The following PEAK1 variants were observed in gnomAD, a reference collection of about 807,000 sequenced individuals.
PEAK1 encodes the protein inactive tyrosine-protein kinase PEAK1.
Under a neutral mutation model 124.7 loss-of-function variants are expected in PEAK1, and 54 were observed. The observed-to-expected ratio is 0.43, with a 90% CI of 0.35 to 0.54. PEAK1 has a LOEUF of 0.54. Ranked by LOEUF, PEAK1 falls within the 20% of genes least tolerant of loss-of-function variation. The pLI is 0.01. For synonymous variants in PEAK1, 719 were observed against 760.0 expected (o/e 0.95, Z 0.89); for missense variants, 2,046 against 2,134.5 (o/e 0.96, Z 0.82).
chr15:77,159,961 G>A (rs1210756591), intron 7 of PEAK1, among the ~76,000 whole-genome samples: 2 of 152,194 alleles, frequency 1.3e-5, no homozygotes, highest in African/African-American at 4.8e-5. Context: ...CTGGGAATAA[G>A]CAATGAGCTG....
At chr15:77,230,439 TC>T (rs2059861748) in intron 6 of PEAK1, among the ~76,000 whole-genome samples, 1 of 152,068 alleles carries the variant, frequency 6.6e-6, no homozygotes, top group African/African-American at 2.4e-5. Flanking sequence ...ACTCAAGTGA[TC>T]CACCCGCCTT....
chr15:77,126,089 A>G (rs1197728467), intron 9 of PEAK1, among the ~76,000 whole-genome samples: 1 of 152,236 alleles, frequency 6.6e-6, no homozygotes, highest in African/African-American at 2.4e-5. Flanking sequence ...TTTAATTGAA[A>G]AGACATTAGG....
At chr15:77,121,829 G>C (rs747078224) in intron 9 of PEAK1, among the ~76,000 whole-genome samples, 7 of 152,082 alleles carry the variant, frequency 4.6e-5, no homozygotes, top group Admixed American at 1.3e-4. Flanking sequence ...GATGCTATAG[G>C]GAATGAATTG....
intron 2 of PEAK1, among the ~76,000 whole-genome samples, chr15:77,339,759 C>T (rs2066421532): frequency 1.3e-5 from 2 of 152,258 alleles, no homozygotes; most frequent in African/African-American, 4.8e-5. Flanking sequence ...TATCTGAAAT[C>T]AGGATGTTAT....
chr15:77,284,292 C>A (rs1474371164), intron 4 of PEAK1, among the ~76,000 whole-genome samples: 3 of 152,180 alleles, frequency 2.0e-5, no homozygotes, highest in Non-Finnish European at 4.4e-5. Context: ...TCTCTAAAGA[C>A]TTATCTCGCA....
chr15:77,249,536 T>C (rs2060746909), intron 6 of PEAK1, among the ~76,000 whole-genome samples: 1 of 152,198 alleles, frequency 6.6e-6, no homozygotes, highest in Non-Finnish European at 1.5e-5. Flanking sequence ...TCACGGTAGA[T>C]TATAAATTTT....
At chr15:77,357,710 T>C (rs1204380798) in intron 2 of PEAK1, among the ~76,000 whole-genome samples, 49 of 152,236 alleles carry the variant, frequency 3.2e-4, no homozygotes, top group Non-Finnish European at 1.8e-4. Context: ...CTTTTGAAAA[T>C]AGAGACAGAG....
chr15:77,350,237 C>T, intron 2 of PEAK1: 1 of 985,386 alleles, frequency 1.0e-6, no homozygotes, highest in Admixed American at 6.1e-5. Flanking sequence ...TAAATCAATA[C>T]ACAAATTAAC....
intron 6 of PEAK1, among the ~76,000 whole-genome samples, chr15:77,230,731 A>C (rs546431820): frequency 5.9e-5 from 9 of 152,078 alleles, no homozygotes; most frequent in Admixed American, 4.6e-4. Flanking sequence ...ATTCTGTCTC[A>C]CTGTGGCGGG....
At chr15:77,392,666 C>A (rs201183511) in intron 1 of PEAK1, among the ~76,000 whole-genome samples, 56 of 152,260 alleles carry the variant, frequency 3.7e-4, no homozygotes, top group African/African-American at 1.3e-3. Flanking sequence ...CATGGACGGT[C>A]TTCTTTACTG....
intron 1 of PEAK1, among the ~76,000 whole-genome samples, chr15:77,379,354 G>C (rs1017473127): frequency 6.6e-6 from 1 of 152,152 alleles, no homozygotes; most frequent in African/African-American, 2.4e-5. Context: ...AGTCACTTTT[G>C]AAGAGCTCAT....
At chr15:77,368,245 G>T (rs1046405658) in intron 1 of PEAK1, among the ~76,000 whole-genome samples, 1 of 152,038 alleles carries the variant, frequency 6.6e-6, no homozygotes, top group African/African-American at 2.4e-5. Context: ...GCCAGGCATG[G>T]TGGCTCATGC....
At chr15:77,280,251 G>A (rs961064576) in intron 5 of PEAK1, among the ~76,000 whole-genome samples, 1 of 152,126 alleles carries the variant, frequency 6.6e-6, no homozygotes. Flanking sequence ...TGAGGTACAA[G>A]AATCGCTTGA....
intron 2 of PEAK1, among the ~76,000 whole-genome samples, chr15:77,342,554 A>G (rs1597369536): frequency 6.6e-6 from 1 of 151,848 alleles, no homozygotes. Flanking sequence ...TACAGGCAGG[A>G]GCCACCATGC....
chr15:77,239,932 A>G, intron 6 of PEAK1: 1 of 703,168 alleles, frequency 1.4e-6, no homozygotes, highest in Non-Finnish European at 1.7e-6. Flanking sequence ...TTCTGTTTGT[A>G]TTTTTTAAAA....
intron 6 of PEAK1, among the ~76,000 whole-genome samples, chr15:77,226,050 T>TATA (rs1157426858): frequency 0.071 from 4,109 of 58,124 alleles, 205 homozygotes; most frequent in Non-Finnish European, 0.092. Context: ...AAGGGATATA[T>TATA]ATATATATAT....
intron 6 of PEAK1, among the ~76,000 whole-genome samples, chr15:77,196,769 A>AT (rs976189426): frequency 7.9e-5 from 12 of 152,230 alleles, no homozygotes; most frequent in African/African-American, 2.9e-4. Context: ...CTGAGAGGTT[A>AT]TAATAGAAAA....
At chr15:77,371,134 T>G (rs547742044) in intron 1 of PEAK1, 2 of 961,982 alleles carry the variant, frequency 2.1e-6, no homozygotes, top group African/African-American at 3.5e-5. Context: ...TTCATATCAT[T>G]AATCAAACCA....
chr15:77,288,296 T>G (rs1431246650), intron 2 of PEAK1, among the ~76,000 whole-genome samples: 1 of 152,176 alleles, frequency 6.6e-6, no homozygotes, highest in East Asian at 1.9e-4. Context: ...GAACTATTTG[T>G]CAATCCCATA....
Sources: gnomAD v4.1 joint callset for allele counts (sites outside exome capture counted in the v4.1 genomes callset) on GRCh38, gnomAD v4.1.1 for gene constraint, MANE v1.5 for transcripts, NCBI Gene and HGNC (gene_info 2026-07-23, HGNC 2026-07-21) for gene names.